KIF6: variants seen among roughly 807,000 people sequenced by gnomAD.
KIF6 encodes the protein kinesin-like protein KIF6.
A neutral mutation model predicts 112.7 loss-of-function variants in KIF6; 106 were observed. The ratio of observed to expected loss-of-function variants is 0.94; its 90% CI spans 0.80 to 1.11. The LOEUF (loss-of-function observed/expected upper bound fraction) is 1.11, where lower values mean the gene tolerates loss of function less well. KIF6 is among the 50% of genes least tolerant of loss of function. KIF6 has a pLI of 0.00. For missense variants in KIF6, 929 were observed against 964.0 expected (o/e 0.96, Z 0.48); for synonymous variants, 339 against 339.9 (o/e 1.00, Z 0.03).
At chr6:39,375,698 C>T (rs528712346) in intron 16 of KIF6, among the ~76,000 whole-genome samples, 1 of 152,290 alleles carries the variant, frequency 6.6e-6, no homozygotes, top group African/African-American at 2.4e-5. Context: ...CTAGACTTTC[C>T]TGGGCCCGCA....
At chr6:39,594,452 A>G (rs1782133362) in intron 7 of KIF6, among the ~76,000 whole-genome samples, 2 of 152,344 alleles carry the variant, frequency 1.3e-5, no homozygotes, top group African/African-American at 4.8e-5. Context: ...AAGCTCTGTT[A>G]AGCATAAGTA....
intron 10 of KIF6, 79 bp downstream of exon 10, chr6:39,577,977 T>G: frequency 1.0e-6 from 1 of 971,482 alleles, no homozygotes. Flanking sequence ...TGAGGTGAAT[T>G]CATAACATTA....
At chr6:39,570,489 T>C (rs1037180380) in intron 10 of KIF6, among the ~76,000 whole-genome samples, 1 of 152,206 alleles carries the variant, frequency 6.6e-6, no homozygotes, top group African/African-American at 2.4e-5. Flanking sequence ...ATGAATTCAG[T>C]TGGCAATCCA....
chr6:39,684,313 C>A (rs997991592), intron 3 of KIF6, among the ~76,000 whole-genome samples: 1 of 151,998 alleles, frequency 6.6e-6, no homozygotes, highest in Non-Finnish European at 1.5e-5. Flanking sequence ...ACCAGCCTGA[C>A]CAACATGGAG....
At chr6:39,418,783 G>A (rs146688629) in intron 15 of KIF6, among the ~76,000 whole-genome samples, 17 of 152,232 alleles carry the variant, frequency 1.1e-4, no homozygotes, top group African/African-American at 3.6e-4. Context: ...CCTGTTTACC[G>A]ACCGAGACAA....
At chr6:39,684,072 G>A (rs1470747623) in intron 3 of KIF6, among the ~76,000 whole-genome samples, 7 of 152,218 alleles carry the variant, frequency 4.6e-5, no homozygotes, top group Admixed American at 4.6e-4. Context: ...CTCCAAGGAA[G>A]CCTGGATTGT....
chr6:39,524,144 G>A (rs1777567299), intron 13 of KIF6, among the ~76,000 whole-genome samples: 1 of 133,858 alleles, frequency 7.5e-6, no homozygotes, highest in South Asian at 2.4e-4. Flanking sequence ...GTGTGTCTGT[G>A]TGTGTGAAAG....
chr6:39,463,470 GACT>G (rs1291273955), intron 13 of KIF6, among the ~76,000 whole-genome samples: 1 of 152,164 alleles, frequency 6.6e-6, no homozygotes, highest in Non-Finnish European at 1.5e-5. Context: ...TCTCTAATCT[GACT>G]ACCAGGAGAT....
intron 15 of KIF6, among the ~76,000 whole-genome samples, chr6:39,406,506 G>C (rs1027128776): frequency 1.3e-5 from 2 of 151,888 alleles, no homozygotes; most frequent in Non-Finnish European, 2.9e-5. Context: ...CACTTGCTTT[G>C]GAATTATTTT....
chr6:39,365,529 C>T (rs1181822338), intron 16 of KIF6, among the ~76,000 whole-genome samples: 1 of 152,222 alleles, frequency 6.6e-6, no homozygotes, highest in Admixed American at 6.5e-5. Context: ...CGCATGTTTG[C>T]TGGCCTTGCC....
intron 14 of KIF6, among the ~76,000 whole-genome samples, chr6:39,429,699 G>A (rs1771002947): frequency 6.6e-6 from 1 of 152,180 alleles, no homozygotes; most frequent in African/African-American, 2.4e-5. Context: ...CACGAGGTCA[G>A]CAGATGAGAC....
At position 39,357,385 on chromosome 6, in the gene KIF6, C is replaced by A; in HGVS notation, c.2083-11G>T. On this transcript the variant is annotated splice_polypyrimidine_tract_variant and intron_variant, in intron 18 of 22. Transcript: ENST00000287152. ...TGCTGGAGAATTTACCTGTTGGCCC[C>A]AGAAGGAGTTTCACAGTGTTAGCTT... The A allele has an allele frequency of 3.8e-6, 6 of 1,581,344 alleles. No homozygotes were observed. Among genetic ancestry groups the A allele is most frequent in the Non-Finnish European group, 5.2e-6 (6 of 1,151,006 alleles).
chr6:39,584,600 C>A (rs1781511491), intron 9 of KIF6, among the ~76,000 whole-genome samples: 1 of 151,994 alleles, frequency 6.6e-6, no homozygotes, highest in Non-Finnish European at 1.5e-5. Flanking sequence ...TGGGGAGCTG[C>A]AAGTAGGAAG....
intron 3 of KIF6, among the ~76,000 whole-genome samples, chr6:39,664,643 A>G (rs540809033): frequency 1.5e-4 from 23 of 152,296 alleles, no homozygotes; most frequent in African/African-American, 5.5e-4. Context: ...AATAGCTAAG[A>G]CATATATATT....
chr6:39,475,218 A>G (rs753507168), intron 13 of KIF6, among the ~76,000 whole-genome samples: 34 of 152,158 alleles, frequency 2.2e-4, no homozygotes, highest in Admixed American at 7.2e-4. Context: ...GGAGATGGAA[A>G]TAATTACCCT....
intron 13 of KIF6, among the ~76,000 whole-genome samples, chr6:39,534,121 G>A (rs1297906986): frequency 3.3e-5 from 5 of 152,152 alleles, no homozygotes; most frequent in South Asian, 2.1e-4. Flanking sequence ...AAAAAACAGA[G>A]CAGAAAAACT....
intron 6 of KIF6, among the ~76,000 whole-genome samples, chr6:39,603,734 T>C (rs907705936): frequency 1.3e-5 from 2 of 152,124 alleles, no homozygotes; most frequent in Admixed American, 1.3e-4. Context: ...AAACTAATGT[T>C]TTCAATCACT....
chr6:39,443,139 A>AATG (rs1206189975), intron 13 of KIF6, among the ~76,000 whole-genome samples: 3 of 141,180 alleles, frequency 2.1e-5, no homozygotes, highest in Admixed American at 1.5e-4. Flanking sequence ...TAATAATAAT[A>AATG]ATAATAATAA....
intron 5 of KIF6, among the ~76,000 whole-genome samples, chr6:39,634,401 T>C (rs1477352034): frequency 1.3e-5 from 2 of 152,162 alleles, no homozygotes; most frequent in Non-Finnish European, 2.9e-5. Flanking sequence ...TTAACCATAG[T>C]AGAGAAGCAT....
Sources: allele counts gnomAD v4.1 joint callset (sites outside exome capture counted in the v4.1 genomes callset), GRCh38; gene constraint gnomAD v4.1.1; transcripts MANE v1.5; gene names NCBI Gene and HGNC (gene_info 2026-07-23, HGNC 2026-07-21).